The following CA10 variants were observed in gnomAD, a reference collection of about 807,000 sequenced individuals.
CA10 encodes the protein carbonic anhydrase-related protein 10.
In CA10, 14 loss-of-function variants were observed where a neutral mutation model predicts 44.2. The ratio of observed to expected loss-of-function variants is 0.32; its 90% CI spans 0.21 to 0.50. The LOEUF is 0.50. Ranked by LOEUF, CA10 falls within the 20% of genes least tolerant of loss-of-function variation. CA10 has a pLI of 0.99. For missense variants in CA10, 350 were observed against 409.7 expected, an observed-to-expected ratio of 0.85 and a Z score of 1.26; for synonymous variants, 159 against 141.6, an observed-to-expected ratio of 1.12 and a Z score of -0.87.
chr17:52,011,520 A>G (rs902410332), intron 2 of CA10, among the ~76,000 whole-genome samples: 2 of 152,096 alleles, frequency 1.3e-5, no homozygotes, highest in Non-Finnish European at 2.9e-5. Flanking sequence ...CAATTATATT[A>G]ACCAATATAT....
intron 4 of CA10, among the ~76,000 whole-genome samples, chr17:51,701,122 G>A (rs192775128): frequency 6.6e-6 from 1 of 152,110 alleles, no homozygotes; most frequent in Admixed American, 6.5e-5. Context: ...CTGATATCAA[G>A]GTGCTGGCAG....
intron 1 of CA10, among the ~76,000 whole-genome samples, chr17:52,083,458 T>G (rs1421095109): frequency 6.6e-6 from 1 of 152,180 alleles, no homozygotes; most frequent in Admixed American, 6.5e-5. Flanking sequence ...ATGCAGTTTT[T>G]TAAATACAGA....
rs115192947 is a variant in CA10 at position 51,697,553 on chromosome 17, C to G, written c.466-43817G>C. 9.6e-3 allele frequency among the ~76,000 whole-genome samples: 1,459 copies of G among 152,258 alleles called. 23 individuals carry two copies. Among genetic ancestry groups the G allele is most frequent in the African/African-American group, 0.034 (1,394 of 41,554 alleles). On this transcript the variant is annotated intron_variant, in intron 4 of 8. Transcript: ENST00000451037. ...GCCACTCTCAAGACCCTTTGCTTTG[C>G]TTTCTCTTCTTTCCATAGCAGTTAA...
intron 2 of CA10, among the ~76,000 whole-genome samples, chr17:51,934,641 CTTCAG>C (rs1387991284): frequency 2.0e-5 from 3 of 152,068 alleles, no homozygotes; most frequent in Non-Finnish European, 2.9e-5. Flanking sequence ...TGTGAAAAGA[CTTCAG>C]TTCAGGCGAT....
rs1049549212 is a variant in CA10, at chr17:51,631,869, C to T, written c.965-263G>A. Among the ~76,000 whole-genome samples the T allele has an allele frequency of 4.6e-5, 7 of 152,152 alleles. No individual in the cohort carries two copies. The South Asian group carries it at 8.3e-4, about 18-fold the overall frequency. ...AATTAAAATAAAAAATTAGTTGCATCATTGTACTAGTCACCCATCCAATGT... is the reference window on the plus strand; with the variant it reads ...AATTAAAATAAAAAATTAGTTGCATTATTGTACTAGTCACCCATCCAATGT... On this transcript the variant is annotated intron_variant, in intron 8 of 8. Transcript: ENST00000451037.
chr17:51,886,270 G>A (rs1980595921), intron 3 of CA10, among the ~76,000 whole-genome samples: 1 of 152,130 alleles, frequency 6.6e-6, no homozygotes, highest in Non-Finnish European at 1.5e-5. Flanking sequence ...TATAAAAACT[G>A]CACCTTCCAA....
At chr17:51,881,755 G>A (rs571942194) in intron 3 of CA10, among the ~76,000 whole-genome samples, 11 of 152,244 alleles carry the variant, frequency 7.2e-5, no homozygotes, top group African/African-American at 2.4e-4. Flanking sequence ...TATAAAGACT[G>A]GTAATATCCA....
chr17:52,036,198 C>T (rs2144182490), intron 2 of CA10, among the ~76,000 whole-genome samples: 1 of 152,240 alleles, frequency 6.6e-6, no homozygotes, highest in African/African-American at 2.4e-5. Context: ...AGAATGAGGC[C>T]AAACTGGATC....
intron 1 of CA10, among the ~76,000 whole-genome samples, chr17:52,083,543 A>T (rs1320838652): frequency 6.6e-6 from 1 of 152,104 alleles, no homozygotes; most frequent in East Asian, 1.9e-4. Context: ...TCCTTAAGGA[A>T]TTTCCCATCC....
At chr17:51,856,597 T>C (rs1160341927) in intron 3 of CA10, among the ~76,000 whole-genome samples, 1 of 152,128 alleles carries the variant, frequency 6.6e-6, no homozygotes, top group African/African-American at 2.4e-5. Flanking sequence ...AGCGTTTACT[T>C]ATTTATTTGG....
chr17:51,735,663 CT>C (rs1346305677), intron 4 of CA10, among the ~76,000 whole-genome samples: 6 of 152,170 alleles, frequency 3.9e-5, no homozygotes, highest in Non-Finnish European at 8.8e-5. Flanking sequence ...ATTCTGAGCA[CT>C]TTTTATACAT....
At chr17:51,683,506 G>T (rs747867238) in intron 4 of CA10, among the ~76,000 whole-genome samples, 1 of 152,136 alleles carries the variant, frequency 6.6e-6, no homozygotes, top group Non-Finnish European at 1.5e-5. Context: ...TGGTAAAGCC[G>T]CCTGTGAGGT....
At chr17:51,801,024 G>A (rs7209776) in intron 3 of CA10, among the ~76,000 whole-genome samples, 1 of 152,144 alleles carries the variant, frequency 6.6e-6, no homozygotes, top group Admixed American at 6.5e-5. Flanking sequence ...TGTTTTTGTA[G>A]GCATGGATCT....
In CA10 at chr17:51,887,569, G is replaced by A. The variant is rs538227691; in HGVS notation, c.279+43421C>T. On this transcript the variant is annotated intron_variant, in intron 3 of 8. Transcript: ENST00000451037. Reference sequence around the variant, plus strand: ...CTCTGCCAATTACTTTTGGTTCAGCGAATCTGGGTAAGTTATTTACCTCAG... The same window carrying A: ...CTCTGCCAATTACTTTTGGTTCAGCAAATCTGGGTAAGTTATTTACCTCAG... Among the ~76,000 whole-genome samples, 7 of 152,186 alleles carry A rather than the reference G, an allele frequency of 4.6e-5. No homozygotes were observed. In the East Asian group the frequency reaches 5.8e-4, roughly 13 times the overall value.
At chr17:52,084,301 G>C (rs1988059807) in intron 1 of CA10, among the ~76,000 whole-genome samples, 1 of 152,166 alleles carries the variant, frequency 6.6e-6, no homozygotes, top group African/African-American at 2.4e-5. Context: ...GGCCAGGGCA[G>C]ATTTATTTTT....
At chr17:52,110,029 C>T (rs1027267515) in intron 1 of CA10, among the ~76,000 whole-genome samples, 10 of 152,252 alleles carry the variant, frequency 6.6e-5, no homozygotes, top group South Asian at 6.2e-4. Flanking sequence ...TAATCTCATC[C>T]GCATGACTAT....
At chr17:52,074,314 G>A (rs1054357267) in intron 1 of CA10, among the ~76,000 whole-genome samples, 39 of 152,142 alleles carry the variant, frequency 2.6e-4, no homozygotes, top group South Asian at 2.1e-4. Context: ...CATGTAAAAT[G>A]TCTCAAGCCT....
At chr17:52,036,574 TA>T (rs1986624695) in intron 2 of CA10, among the ~76,000 whole-genome samples, 1 of 152,046 alleles carries the variant, frequency 6.6e-6, no homozygotes, top group South Asian at 2.1e-4. Flanking sequence ...AAATTCCAGG[TA>T]AAGGGAACAG....
At chr17:51,693,888 AGTTCT>A (rs773156436) in intron 4 of CA10, among the ~76,000 whole-genome samples, 16 of 152,260 alleles carry the variant, frequency 1.1e-4, no homozygotes, top group Non-Finnish European at 2.1e-4. Flanking sequence ...GTTGAATGGT[AGTTCT>A]GTTCTAAGTT....
Sources: allele counts gnomAD v4.1 joint callset (sites outside exome capture counted in the v4.1 genomes callset), GRCh38; gene constraint gnomAD v4.1.1; transcripts MANE v1.5; gene names NCBI Gene and HGNC (gene_info 2026-07-23, HGNC 2026-07-21).